SGCZ: variants seen among roughly 807,000 people sequenced by gnomAD.
SGCZ encodes the protein sarcoglycan zeta.
Under a neutral mutation model 41.3 loss-of-function variants are expected in SGCZ, and 40 were observed. The ratio of observed to expected loss-of-function variants is 0.97; its 90% CI spans 0.75 to 1.26. The LOEUF (loss-of-function observed/expected upper bound fraction) is 1.26, where lower values mean the gene tolerates loss of function less well. Ranked by LOEUF, SGCZ falls within the 50% of genes most tolerant of loss-of-function variation. The probability of loss-of-function intolerance (pLI) is 0.00; values close to 1 mark genes in which losing one functional copy is unlikely to be tolerated. For missense variants in SGCZ, 552 were observed against 369.8 expected (o/e 1.49, Z -4.04); for synonymous variants, 206 against 137.5 (o/e 1.50, Z -3.49).
intron 2 of SGCZ, among the ~76,000 whole-genome samples, chr8:14,431,215 A>G (rs1330560792): frequency 1.3e-5 from 2 of 152,212 alleles, no homozygotes; most frequent in African/African-American, 4.8e-5. Flanking sequence ...GAATCAAAAA[A>G]GAGCCTACAT....
At chr8:14,273,626 T>C (rs143274198) in intron 3 of SGCZ, among the ~76,000 whole-genome samples, 1 of 152,314 alleles carries the variant, frequency 6.6e-6, no homozygotes, top group African/African-American at 2.4e-5. Flanking sequence ...TATTGTGTTT[T>C]AAACCTTTAA....
At chr8:14,337,349 G>A (rs1802541311) in intron 2 of SGCZ, among the ~76,000 whole-genome samples, 1 of 152,120 alleles carries the variant, frequency 6.6e-6, no homozygotes, top group South Asian at 2.1e-4. Context: ...TAGAAGGAGT[G>A]ACAAGCCCAA....
At chr8:14,104,701 C>T (rs541993870) in intron 6 of SGCZ, among the ~76,000 whole-genome samples, 1 of 152,132 alleles carries the variant, frequency 6.6e-6, no homozygotes, top group Non-Finnish European at 1.5e-5. Context: ...ATCCTGACTG[C>T]TTAATAGAGT....
At chr8:14,181,504 T>A (rs537495381) in intron 4 of SGCZ, among the ~76,000 whole-genome samples, 1 of 152,204 alleles carries the variant, frequency 6.6e-6, no homozygotes, top group African/African-American at 2.4e-5. Flanking sequence ...TTAAAGGCGT[T>A]ACCTGTTGAT....
intron 1 of SGCZ, among the ~76,000 whole-genome samples, chr8:14,934,430 A>G (rs138320875): frequency 6.6e-5 from 10 of 151,952 alleles, no homozygotes; most frequent in East Asian, 1.9e-4. Context: ...ACCAAAGGGA[A>G]CTTCTAGTAA....
At chr8:14,562,555 A>G (rs1391899737) in intron 1 of SGCZ, among the ~76,000 whole-genome samples, 2 of 152,196 alleles carry the variant, frequency 1.3e-5, no homozygotes, top group Non-Finnish European at 2.9e-5. Flanking sequence ...TAGAAAGAGA[A>G]TATCTTTCAG....
chr8:14,196,017 T>G (rs1805256407), intron 4 of SGCZ, among the ~76,000 whole-genome samples: 1 of 152,112 alleles, frequency 6.6e-6, no homozygotes, highest in Non-Finnish European at 1.5e-5. Context: ...TTTAATCTAT[T>G]TAAAAATGAC....
intron 4 of SGCZ, among the ~76,000 whole-genome samples, chr8:14,208,198 A>C (rs964468654): frequency 4.6e-5 from 7 of 152,196 alleles, no homozygotes; most frequent in African/African-American, 1.4e-4. Flanking sequence ...CTCTGTTGAA[A>C]GTTTTGGATG....
chr8:15,090,080 A>T (rs1806100452), intron 1 of SGCZ, among the ~76,000 whole-genome samples: 1 of 152,198 alleles, frequency 6.6e-6, no homozygotes, highest in Admixed American at 6.5e-5. Context: ...CTTTTTGCCA[A>T]CTTTTCAGTT....
At chr8:14,328,519 G>A (rs554672727) in intron 2 of SGCZ, among the ~76,000 whole-genome samples, 2 of 152,280 alleles carry the variant, frequency 1.3e-5, no homozygotes, top group East Asian at 3.9e-4. Flanking sequence ...ACATGAGGAT[G>A]TAGAAAGCTT....
chr8:15,051,250 T>C (rs972431789), intron 1 of SGCZ, among the ~76,000 whole-genome samples: 1 of 152,122 alleles, frequency 6.6e-6, no homozygotes, highest in African/African-American at 2.4e-5. Flanking sequence ...GGAAAGGACA[T>C]GGGGAGGAGG....
At chr8:14,621,675 G>C (rs377089035) in intron 1 of SGCZ, among the ~76,000 whole-genome samples, 1 of 151,952 alleles carries the variant, frequency 6.6e-6, no homozygotes, top group South Asian at 2.1e-4. Flanking sequence ...GAGTGAAGTG[G>C]GGAAGTGCTA....
chr8:14,886,026 TATATATATAA>T lies in SGCZ; in HGVS notation c.40-331110_40-331101del, dbSNP rs1426720202. ...ATATATATATATATATATATATATATATATATATAAAATTGTATACTTAGCTTTTTCACTT... is the reference window on the plus strand; with the variant it reads ...ATATATATATATATATATATATATATAATTGTATACTTAGCTTTTTCACTT... On this transcript the variant is annotated intron_variant, in intron 1 of 7. Transcript: ENST00000382080. Among the ~76,000 whole-genome samples, 9 of 114,930 alleles carry T rather than the reference TATATATATAA, an allele frequency of 7.8e-5. No homozygotes were observed. In the East Asian group the frequency reaches 1.4e-3, roughly 18 times the overall value. 75.4% of individuals were successfully genotyped at this position (114,930 alleles called of 152,430 possible).
At position 14,136,869 on chromosome 8, in the gene SGCZ, C is replaced by G. The variant is rs139875467; in HGVS notation, c.547+27711G>C. On this transcript the variant is annotated intron_variant, in intron 5 of 7. Coordinates refer to ENST00000382080, the MANE Select transcript of SGCZ (RefSeq NM_139167.4). ...CTCCTCAAGTGGGTCCCCGACCCCT[C>G]AGTAGTCTAAATGGGAAACACTTCC... Among the ~76,000 whole-genome samples the G allele has an allele frequency of 6.3e-3, 964 of 152,276 alleles. 7 individuals are homozygous for G. The highest frequency in any genetic ancestry group is 0.022 in the African/African-American group (919 of 41,564).
At chr8:14,361,873 T>A (rs1803526824) in intron 2 of SGCZ, among the ~76,000 whole-genome samples, 1 of 152,222 alleles carries the variant, frequency 6.6e-6, no homozygotes. Flanking sequence ...TTGGTGTGGA[T>A]GTCCTTTTTG....
At chr8:14,965,474 C>A (rs539806813) in intron 1 of SGCZ, among the ~76,000 whole-genome samples, 2 of 152,186 alleles carry the variant, frequency 1.3e-5, no homozygotes, top group East Asian at 1.9e-4. Flanking sequence ...ACAATTCTTA[C>A]TTTAAAATGT....
chr8:14,845,569 T>C (rs1413216557), intron 1 of SGCZ, among the ~76,000 whole-genome samples: 2 of 152,252 alleles, frequency 1.3e-5, no homozygotes, highest in African/African-American at 4.8e-5. Context: ...TTAGAATTTG[T>C]AGACAGAAAC....
At chr8:14,705,594 A>G (rs1363652033) in intron 1 of SGCZ, among the ~76,000 whole-genome samples, 1 of 152,008 alleles carries the variant, frequency 6.6e-6, no homozygotes, top group East Asian at 1.9e-4. Flanking sequence ...ATTTTCCTAG[A>G]GAATTATTAT....
chr8:14,632,090 C>T (rs929492277), intron 1 of SGCZ, among the ~76,000 whole-genome samples: 3 of 152,088 alleles, frequency 2.0e-5, no homozygotes, highest in East Asian at 3.9e-4. Context: ...ACAATCACAG[C>T]TCATTGCTGC....
Sources: gnomAD v4.1 joint callset for allele counts (sites outside exome capture counted in the v4.1 genomes callset) on GRCh38, gnomAD v4.1.1 for gene constraint, MANE v1.5 for transcripts, NCBI Gene and HGNC (gene_info 2026-07-23, HGNC 2026-07-21) for gene names.